PKNOX2: variants seen among roughly 807,000 people sequenced by gnomAD.
The protein encoded by PKNOX2 is PBX/knotted 1 homeobox 2.
In PKNOX2, 14 loss-of-function variants were observed where a neutral mutation model predicts 53.1. The ratio of observed to expected loss-of-function variants is 0.26; its 90% CI spans 0.17 to 0.41. The LOEUF (loss-of-function observed/expected upper bound fraction) is 0.41. Ranked by LOEUF, PKNOX2 falls within the 10% of genes least tolerant of loss-of-function variation. The probability of loss-of-function intolerance (pLI) is 1.00; values close to 1 mark genes in which losing one functional copy is unlikely to be tolerated. For missense variants in PKNOX2, 496 were observed against 602.8 expected (o/e 0.82, Z 1.85); for synonymous variants, 257 against 242.8 (o/e 1.06, Z -0.54).
intron 2 of PKNOX2, among the ~76,000 whole-genome samples, chr11:125,248,150 A>T (rs1943702258): frequency 6.6e-6 from 1 of 152,184 alleles, no homozygotes; most frequent in African/African-American, 2.4e-5. Context: ...TTCCCAAATG[A>T]ACAAATGAAC....
intron 1 of PKNOX2, among the ~76,000 whole-genome samples, chr11:125,216,427 G>A (rs1565471525): frequency 1.3e-5 from 2 of 152,230 alleles, no homozygotes; most frequent in Non-Finnish European, 2.9e-5. Context: ...ACTCAGGGCA[G>A]TCCTGGTAGG....
intron 2 of PKNOX2, among the ~76,000 whole-genome samples, chr11:125,302,332 T>C (rs1948135530): frequency 6.6e-6 from 1 of 152,194 alleles, no homozygotes; most frequent in African/African-American, 2.4e-5. Context: ...TGACCAGCCA[T>C]GATCTGACCA....
chr11:125,373,061 G>C (rs149580703), intron 5 of PKNOX2, among the ~76,000 whole-genome samples: 1 of 152,144 alleles, frequency 6.6e-6, no homozygotes, highest in Non-Finnish European at 1.5e-5. Flanking sequence ...GGAAGTTCCC[G>C]GCATGATCCT....
intron 5 of PKNOX2, among the ~76,000 whole-genome samples, chr11:125,369,918 G>A (rs532634801): frequency 2.6e-5 from 4 of 152,242 alleles, no homozygotes; most frequent in East Asian, 1.9e-4. Flanking sequence ...TGGCAGCATC[G>A]TATCACCTGG....
At chr11:125,359,513 C>A (rs1231387026) in intron 4 of PKNOX2, among the ~76,000 whole-genome samples, 2 of 152,220 alleles carry the variant, frequency 1.3e-5, no homozygotes, top group African/African-American at 4.8e-5. Flanking sequence ...TGAGCAGGCC[C>A]AGGTCTGGAG....
chr11:125,169,766 C>T (rs1471699363), intron 1 of PKNOX2, among the ~76,000 whole-genome samples: 1 of 152,202 alleles, frequency 6.6e-6, no homozygotes, highest in Non-Finnish European at 1.5e-5. Flanking sequence ...CTTTCCTCGC[C>T]TGGCTCCAGG....
At position 125,432,248 on chromosome 11, in the gene PKNOX2, T is replaced by C. The variant is rs1293411806; in HGVS notation, c.*856T>C. On this transcript the variant is annotated 3_prime_UTR_variant, in exon 13 of 13. Transcript: ENST00000298282. ...CTTAGCTCCTTTAACAACAGGACAATGGTTTTTTACCCTAGATGTTCCCAC... is the reference window on the plus strand; with the variant it reads ...CTTAGCTCCTTTAACAACAGGACAACGGTTTTTTACCCTAGATGTTCCCAC... 7.2e-6 allele frequency: 1 copy of C among 138,342 alleles called. No homozygotes were observed. The highest frequency in any genetic ancestry group is 1.6e-5 in the Non-Finnish European group (1 of 61,656). 8.6% of individuals were successfully genotyped at this position (138,342 alleles called of 1,614,324 possible).
intron 4 of PKNOX2, among the ~76,000 whole-genome samples, chr11:125,358,257 C>T (rs534207958): frequency 3.9e-5 from 6 of 152,356 alleles, no homozygotes; most frequent in South Asian, 4.1e-4. Context: ...CTTACACACA[C>T]GCACACACAT....
intron 10 of PKNOX2, among the ~76,000 whole-genome samples, chr11:125,418,992 G>A (rs1479651919): frequency 6.6e-6 from 1 of 151,832 alleles, no homozygotes; most frequent in African/African-American, 2.4e-5. Context: ...CATGAATTTT[G>A]GTCCCCCACG....
At chr11:125,229,354 C>T (rs981012645) in intron 1 of PKNOX2, among the ~76,000 whole-genome samples, 4 of 152,186 alleles carry the variant, frequency 2.6e-5, no homozygotes. Context: ...TGATACTCTA[C>T]CTCATCCAAT....
At chr11:125,421,400 C>T (rs187961605) in intron 10 of PKNOX2, among the ~76,000 whole-genome samples, 2 of 152,296 alleles carry the variant, frequency 1.3e-5, no homozygotes, top group East Asian at 1.9e-4. Context: ...GGATATCTTG[C>T]CTGCAGAAAA....
At chr11:125,247,023 C>T (rs1217778777) in intron 2 of PKNOX2, among the ~76,000 whole-genome samples, 1 of 151,684 alleles carries the variant, frequency 6.6e-6, no homozygotes, top group Non-Finnish European at 1.5e-5. Flanking sequence ...AATAAAAATG[C>T]ATTTATTAAG....
chr11:125,294,875 G>A (rs1266583626), intron 2 of PKNOX2, among the ~76,000 whole-genome samples: 1 of 152,208 alleles, frequency 6.6e-6, no homozygotes, highest in Non-Finnish European at 1.5e-5. Flanking sequence ...ATGGAGTATT[G>A]GGGCTCTCTG....
chr11:125,290,414 G>A (rs942095463), intron 2 of PKNOX2, among the ~76,000 whole-genome samples: 3 of 152,200 alleles, frequency 2.0e-5, no homozygotes, highest in Non-Finnish European at 4.4e-5. Context: ...CCTGGAGACA[G>A]AGACTGAGGG....
chr11:125,187,088 A>T (rs1956494256), intron 1 of PKNOX2, among the ~76,000 whole-genome samples: 1 of 152,194 alleles, frequency 6.6e-6, no homozygotes, highest in South Asian at 2.1e-4. Context: ...TCCCCATACC[A>T]GTATCATGTT....
At chr11:125,355,833 A>G (rs1265735095) in intron 4 of PKNOX2, among the ~76,000 whole-genome samples, 3 of 152,056 alleles carry the variant, frequency 2.0e-5, no homozygotes, top group African/African-American at 7.3e-5. Context: ...TTCTAGGCAA[A>G]TACCTCTCAT....
intron 2 of PKNOX2, among the ~76,000 whole-genome samples, chr11:125,329,741 G>A (rs1950028283): frequency 6.6e-6 from 1 of 152,202 alleles, no homozygotes; most frequent in South Asian, 2.1e-4. Flanking sequence ...ATAGAATCGG[G>A]CATTGAGGGG....
intron 7 of PKNOX2, among the ~76,000 whole-genome samples, chr11:125,404,783 C>T (rs1448222933): frequency 2.0e-5 from 3 of 152,224 alleles, no homozygotes; most frequent in Non-Finnish European, 4.4e-5. Flanking sequence ...CCTCAAAAAG[C>T]CTGCCACCAA....
chr11:125,240,448 G>C lies in PKNOX2; in HGVS notation c.-130+5333G>C, dbSNP rs185453098. Among the ~76,000 whole-genome samples the C allele has an allele frequency of 2.0e-5, 3 of 152,130 alleles. No individual in the cohort carries two copies. The South Asian group carries it at 6.2e-4, about 32-fold the overall frequency. Reference sequence around the variant, plus strand: ...CTTCTCCATAAACCTTTCTGGAGAGGAGCTGGGAAGGAGGGATGGGAGGGA... The same window carrying C: ...CTTCTCCATAAACCTTTCTGGAGAGCAGCTGGGAAGGAGGGATGGGAGGGA... On this transcript the variant is annotated intron_variant, in intron 2 of 12. Coordinates refer to ENST00000298282, the MANE Select transcript of PKNOX2 (RefSeq NM_001382323.2). The surrounding 1 kb of genome is among the most constrained non-coding windows in gnomAD (Gnocchi z 4.3).
Sources: allele counts gnomAD v4.1 joint callset (sites outside exome capture counted in the v4.1 genomes callset), GRCh38; gene constraint gnomAD v4.1.1; non-coding constraint Gnocchi (gnomAD v3.1); transcripts MANE v1.5; gene names NCBI Gene and HGNC (gene_info 2026-07-23, HGNC 2026-07-21).